The following NELL1 variants were observed in gnomAD, a reference collection of about 807,000 sequenced individuals.
The protein encoded by NELL1 is protein kinase C-binding protein NELL1.
NELL1 carries 76 observed loss-of-function variants against 107.4 expected under a neutral mutation model. The ratio of observed to expected loss-of-function variants is 0.71; its 90% CI spans 0.59 to 0.86. NELL1 has a LOEUF of 0.86. NELL1 is among the 40% of genes least tolerant of loss of function. The pLI is 0.00. For synonymous variants in NELL1, 353 were observed against 341.2 expected, an observed-to-expected ratio of 1.03 and a Z score of -0.38; for missense variants, 1,024 against 1,005.5, an observed-to-expected ratio of 1.02 and a Z score of -0.25.
intron 2 of NELL1, among the ~76,000 whole-genome samples, chr11:20,736,605 C>G (rs1855768078): frequency 6.6e-6 from 1 of 152,112 alleles, no homozygotes; most frequent in South Asian, 2.1e-4. Context: ...TACAGCATTA[C>G]TTTATTTACT....
chr11:21,516,281 A>G (rs1023907363), intron 15 of NELL1, among the ~76,000 whole-genome samples: 3 of 152,196 alleles, frequency 2.0e-5, no homozygotes, highest in African/African-American at 7.2e-5. Context: ...AGTACTTAAT[A>G]GGCATTGAAA....
intron 12 of NELL1, among the ~76,000 whole-genome samples, chr11:21,004,254 T>C (rs1390062127): frequency 3.3e-5 from 5 of 152,164 alleles, no homozygotes; most frequent in Admixed American, 3.3e-4. Flanking sequence ...TGTACTGGCA[T>C]GTAGTAGATG....
chr11:20,819,688 G>A (rs1010664054), intron 3 of NELL1, among the ~76,000 whole-genome samples: 1 of 152,168 alleles, frequency 6.6e-6, no homozygotes, highest in Non-Finnish European at 1.5e-5. Flanking sequence ...CCTTCTTTAA[G>A]CCAGTGTAGA....
chr11:21,358,057 A>C (rs1339515350), intron 14 of NELL1, among the ~76,000 whole-genome samples: 2 of 152,272 alleles, frequency 1.3e-5, no homozygotes, highest in Admixed American at 6.5e-5. Context: ...GCCTTGTAGC[A>C]TAGTTTGAAG....
At chr11:21,137,373 C>T (rs745793215) in intron 13 of NELL1, among the ~76,000 whole-genome samples, 1 of 152,044 alleles carries the variant, frequency 6.6e-6, no homozygotes, top group Non-Finnish European at 1.5e-5. Context: ...TGGTGGTTGG[C>T]GGTACTGCTA....
At position 20,771,849 on chromosome 11, in the gene NELL1, A is replaced by G. The variant is rs535215013; in HGVS notation, c.185-11831A>G. On this transcript the variant is annotated intron_variant, in intron 2 of 19. Coordinates refer to ENST00000357134, the MANE Select transcript of NELL1 (RefSeq NM_006157.5). The stretch of plus-strand genomic sequence containing the variant: ...ACCCTAGTAATTGCTCCATCCTCTA[A>G]TTTAATGAAAACCCATTAAACCGAA... Among the ~76,000 whole-genome samples, 164 of 152,296 alleles carry G rather than the reference A, an allele frequency of 1.1e-3. 1 individual carries two copies. The highest frequency in any genetic ancestry group is 1.6e-3 in the Non-Finnish European group (109 of 68,016).
chr11:20,911,204 A>G (rs758155931), intron 5 of NELL1, among the ~76,000 whole-genome samples: 1 of 152,250 alleles, frequency 6.6e-6, no homozygotes, highest in Non-Finnish European at 1.5e-5. Flanking sequence ...GAACATTCAG[A>G]GACTTGGACA....
At chr11:21,161,000 TACAC>T (rs72029062) in intron 13 of NELL1, among the ~76,000 whole-genome samples, 11,011 of 143,056 alleles carry the variant, frequency 0.077, 442 homozygotes, top group South Asian at 0.14. Flanking sequence ...CTAGCCTTTA[TACAC>T]ACACACACAC....
chr11:21,390,539 G>A lies in NELL1; in HGVS notation c.1645+19591G>A, dbSNP rs199563586. ...CACACACACACACACACACACACAC[G>A]TGCGCACGCACCCAAACACTTCCCA... is the stretch of plus-strand genomic sequence containing the variant. On this transcript the variant is annotated intron_variant, in intron 15 of 19. Coordinates refer to ENST00000357134, the MANE Select transcript of NELL1 (RefSeq NM_006157.5). Among the ~76,000 whole-genome samples, 1,059 of 140,662 alleles carry A rather than the reference G, an allele frequency of 7.5e-3. 4 individuals are homozygous for A. The highest frequency in any genetic ancestry group is 0.028 in the Middle Eastern group (8 of 282). 92.3% of individuals were successfully genotyped at this position (140,662 alleles called of 152,430 possible).
At chr11:21,169,909 C>A in intron 13 of NELL1, 2 of 1,461,870 alleles carry the variant, frequency 1.4e-6, no homozygotes, top group Non-Finnish European at 1.9e-6. Flanking sequence ...GGTCGTCCAC[C>A]GATGCCTTTT....
At chr11:20,820,811 A>ATAGC (rs1257104350) in intron 3 of NELL1, among the ~76,000 whole-genome samples, 4 of 152,180 alleles carry the variant, frequency 2.6e-5, no homozygotes, top group African/African-American at 4.8e-5. Flanking sequence ...GCCTTCCTTG[A>ATAGC]TAGCTGTCTC....
intron 15 of NELL1, among the ~76,000 whole-genome samples, chr11:21,452,791 G>A (rs780566125): frequency 2.0e-5 from 3 of 151,696 alleles, no homozygotes; most frequent in Non-Finnish European, 2.9e-5. Flanking sequence ...TACTATATTA[G>A]CACTCAGTAC....
At chr11:20,966,120 C>T (rs1038424448) in intron 12 of NELL1, among the ~76,000 whole-genome samples, 2 of 152,088 alleles carry the variant, frequency 1.3e-5, no homozygotes, top group Non-Finnish European at 2.9e-5. Context: ...TTCGTTCATG[C>T]CGCTGTAACA....
intron 12 of NELL1, among the ~76,000 whole-genome samples, chr11:20,982,992 A>G (rs1401391804): frequency 1.3e-5 from 2 of 152,102 alleles, no homozygotes; most frequent in Non-Finnish European, 2.9e-5. Context: ...ACGTTATTTT[A>G]AGATCTGATT....
rs575059994 is a variant in NELL1 at position 21,122,882 on chromosome 11, C to T, written c.1426+9168C>T. The stretch of plus-strand genomic sequence containing the variant: ...ATTCTCACATAAAACAATGACTGTG[C>T]GGACAGGTTTTTCAGAAATAGTTAA... On this transcript the variant is annotated intron_variant, in intron 13 of 19. Coordinates refer to ENST00000357134, the MANE Select transcript of NELL1 (RefSeq NM_006157.5). Among the ~76,000 whole-genome samples, 7 of 152,244 alleles carry T rather than the reference C, an allele frequency of 4.6e-5. No individual in the cohort carries two copies. In the East Asian group the frequency reaches 5.8e-4, roughly 13 times the overall value.
At chr11:21,303,548 G>A (rs1218675919) in intron 14 of NELL1, among the ~76,000 whole-genome samples, 3 of 152,026 alleles carry the variant, frequency 2.0e-5, no homozygotes, top group Admixed American at 1.3e-4. Flanking sequence ...TAACTCTTAT[G>A]CACTGTTAGT....
intron 12 of NELL1, among the ~76,000 whole-genome samples, chr11:20,969,901 T>C (rs928691649): frequency 3.3e-5 from 5 of 152,166 alleles, no homozygotes; most frequent in African/African-American, 1.2e-4. Flanking sequence ...TAAAGCAGCA[T>C]AGCTATGTAT....
chr11:21,036,646 G>A (rs1173466553), intron 12 of NELL1, among the ~76,000 whole-genome samples: 4 of 151,910 alleles, frequency 2.6e-5, no homozygotes, highest in African/African-American at 9.7e-5. Flanking sequence ...TGCACTCTTG[G>A]AAATTTATTT....
chr11:20,857,326 A>G (rs1848901739), intron 4 of NELL1, among the ~76,000 whole-genome samples: 1 of 152,140 alleles, frequency 6.6e-6, no homozygotes, highest in Non-Finnish European at 1.5e-5. Flanking sequence ...GTGTTCTTTC[A>G]GCCATTCACC....
Sources: gnomAD v4.1 joint callset for allele counts (sites outside exome capture counted in the v4.1 genomes callset) on GRCh38, gnomAD v4.1.1 for gene constraint, MANE v1.5 for transcripts, NCBI Gene and HGNC (gene_info 2026-07-23, HGNC 2026-07-21) for gene names.